RPS6KC1: variants seen among roughly 807,000 people sequenced by gnomAD.
RPS6KC1 encodes the protein inactive ribosomal protein S6 kinase delta-1.
In RPS6KC1, 54 loss-of-function variants were observed where a neutral mutation model predicts 103.8. That is an observed-to-expected ratio of 0.52 (90% CI 0.42 to 0.65). The LOEUF (loss-of-function observed/expected upper bound fraction) is 0.65, where lower values mean the gene tolerates loss of function less well. Ranked by LOEUF, RPS6KC1 falls within the 30% of genes least tolerant of loss-of-function variation. The pLI is 0.00. For synonymous variants in RPS6KC1, 439 were observed against 438.7 expected, an observed-to-expected ratio of 1.00 and a Z score of -0.01; for missense variants, 1,151 against 1,253.8, an observed-to-expected ratio of 0.92 and a Z score of 1.24.
At chr1:213,501,173 G>A in the RPS6KC1 span, among the ~76,000 whole-genome samples, 1 of 152,190 alleles carries the variant, frequency 6.6e-6, no homozygotes, top group Admixed American at 6.5e-5. Context: ...GGAAAACTGA[G>A]TAAGACTAGG....
the RPS6KC1 span, among the ~76,000 whole-genome samples, chr1:213,686,001 T>A: frequency 9.2e-5 from 14 of 152,284 alleles, no homozygotes; most frequent in Non-Finnish European, 2.1e-4. Context: ...CCATTTTCAA[T>A]GAGACCACAC....
chr1:213,270,955 C>T (rs548755500), intron 14 of RPS6KC1, among the ~76,000 whole-genome samples: 6 of 152,130 alleles, frequency 3.9e-5, no homozygotes, highest in South Asian at 4.2e-4. Flanking sequence ...GTAGAGAAAC[C>T]GAAATCCTCA....
the RPS6KC1 span, among the ~76,000 whole-genome samples, chr1:213,325,235 C>G: frequency 2.0e-5 from 3 of 152,200 alleles, no homozygotes; most frequent in Non-Finnish European, 4.4e-5. Context: ...TCTACGGACC[C>G]TCAGCGCACT....
At chr1:213,398,976 T>C in the RPS6KC1 span, among the ~76,000 whole-genome samples, 3 of 152,166 alleles carry the variant, frequency 2.0e-5, no homozygotes, top group East Asian at 3.8e-4. Context: ...GGGTTATATA[T>C]GGCTATACAT....
At chr1:213,668,451 A>G in the RPS6KC1 span, among the ~76,000 whole-genome samples, 2 of 131,756 alleles carry the variant, frequency 1.5e-5, no homozygotes, top group Admixed American at 1.8e-4. Context: ...TGTGCTTAAA[A>G]TATTCAGTAA....
the RPS6KC1 span, among the ~76,000 whole-genome samples, chr1:213,677,941 G>T: frequency 6.6e-6 from 1 of 151,970 alleles, no homozygotes; most frequent in Non-Finnish European, 1.5e-5. Flanking sequence ...GGGAGGCAGA[G>T]GTTGCAGTGA....
intron 7 of RPS6KC1, among the ~76,000 whole-genome samples, chr1:213,175,609 T>A (rs2148286698): frequency 6.6e-6 from 1 of 152,326 alleles, no homozygotes; most frequent in Admixed American, 6.5e-5. Context: ...AGGGAAAAAC[T>A]AAAACTAATA....
intron 1 of RPS6KC1, among the ~76,000 whole-genome samples, chr1:213,057,218 G>A (rs1231696966): frequency 6.6e-5 from 10 of 152,094 alleles, no homozygotes; most frequent in Admixed American, 1.3e-4. Context: ...TGGGATTACA[G>A]GCGTGAGCCA....
the RPS6KC1 span, among the ~76,000 whole-genome samples, chr1:213,363,710 CTTTCTTTCTTTCTTTCGTTCTT>C: frequency 1.9e-5 from 2 of 106,514 alleles, no homozygotes; most frequent in Admixed American, 9.3e-5. Context: ...TTCCTTCTTT[CTTTCTTTCTTTCTTTCGTTCTT>C]TCTTTCTCTC....
chr1:213,547,822 G>C, the RPS6KC1 span, among the ~76,000 whole-genome samples: 1 of 152,240 alleles, frequency 6.6e-6, no homozygotes, highest in African/African-American at 2.4e-5. Context: ...AGAAGCAGAT[G>C]CTGTTGCCAT....
chr1:213,167,439 AACACACACACACACAC>A (rs199762137), intron 6 of RPS6KC1, among the ~76,000 whole-genome samples: 7 of 75,988 alleles, frequency 9.2e-5, no homozygotes, highest in South Asian at 4.2e-4. Flanking sequence ...CAAGGTTGAA[AACACACACACACACAC>A]ACACACACAC....
At chr1:213,659,400 G>T in the RPS6KC1 span, among the ~76,000 whole-genome samples, 2 of 152,116 alleles carry the variant, frequency 1.3e-5, no homozygotes, top group East Asian at 1.9e-4. Context: ...CCTTCCTTTA[G>T]AACATTTTCC....
the RPS6KC1 span, among the ~76,000 whole-genome samples, chr1:213,370,427 A>G: frequency 6.6e-6 from 1 of 152,054 alleles, no homozygotes; most frequent in East Asian, 1.9e-4. Context: ...ATTCAATAAG[A>G]TTTGTTGGGC....
At chr1:213,357,994 A>G in the RPS6KC1 span, among the ~76,000 whole-genome samples, 1 of 152,178 alleles carries the variant, frequency 6.6e-6, no homozygotes, top group Non-Finnish European at 1.5e-5. Context: ...CCACTTGATC[A>G]TGGTGGATAA....
At chr1:213,550,470 C>G in the RPS6KC1 span, among the ~76,000 whole-genome samples, 1 of 152,060 alleles carries the variant, frequency 6.6e-6, no homozygotes, top group Non-Finnish European at 1.5e-5. Flanking sequence ...GATTCGCTTC[C>G]CCAGTGCATC....
the RPS6KC1 span, among the ~76,000 whole-genome samples, chr1:213,314,875 C>T: frequency 6.6e-6 from 1 of 151,988 alleles, no homozygotes; most frequent in South Asian, 2.1e-4. Flanking sequence ...CCAATTCAGT[C>T]GAGAGGTGGA....
the RPS6KC1 span, among the ~76,000 whole-genome samples, chr1:213,637,446 T>G: frequency 2.5e-4 from 38 of 152,012 alleles, no homozygotes; most frequent in African/African-American, 8.7e-4. Context: ...GGGATCGCAT[T>G]GGGAGAAATA....
intron 12 of RPS6KC1, among the ~76,000 whole-genome samples, chr1:213,249,964 G>A (rs2094517002): frequency 1.3e-5 from 2 of 152,126 alleles, no homozygotes; most frequent in Non-Finnish European, 2.9e-5. Flanking sequence ...AGGTCACCAC[G>A]ACAACAAGAA....
the RPS6KC1 span, among the ~76,000 whole-genome samples, chr1:213,669,242 C>T: frequency 6.6e-6 from 1 of 152,156 alleles, no homozygotes; most frequent in South Asian, 2.1e-4. Context: ...AAGTGAAAGA[C>T]ATGTTACTCT....
Sources: gnomAD v4.1 joint callset for allele counts (sites outside exome capture counted in the v4.1 genomes callset) on GRCh38, gnomAD v4.1.1 for gene constraint, MANE v1.5 for transcripts, NCBI Gene and HGNC (gene_info 2026-07-23, HGNC 2026-07-21) for gene names.